Variants in VAV3 observed in about 807,000 individuals in gnomAD.
The protein encoded by VAV3 is vav guanine nucleotide exchange factor 3.
VAV3 carries 94 observed loss-of-function variants against 131.2 expected under a neutral mutation model. The ratio of observed to expected loss-of-function variants is 0.72; its 90% CI spans 0.61 to 0.85. The LOEUF is 0.85. Among genes scored for constraint, VAV3 ranks in the 40% least tolerant of loss-of-function variants. The pLI, the probability that VAV3 is intolerant of heterozygous loss-of-function variation, is 0.00. For missense variants in VAV3, 939 were observed against 1,002.7 expected, an observed-to-expected ratio of 0.94 and a Z score of 0.86; for synonymous variants, 349 against 342.0, an observed-to-expected ratio of 1.02 and a Z score of -0.22.
At chr1:107,904,053 T>A (rs970266715) in intron 1 of VAV3, among the ~76,000 whole-genome samples, 5 of 152,148 alleles carry the variant, frequency 3.3e-5, no homozygotes, top group Non-Finnish European at 5.9e-5. Context: ...ACCTGTTCTA[T>A]AACTTTCCAC....
chr1:107,742,483 A>C (rs142755296), intron 15 of VAV3, among the ~76,000 whole-genome samples: 298 of 152,338 alleles, frequency 2.0e-3, no homozygotes, highest in African/African-American at 7.0e-3. Flanking sequence ...AGATAATTTC[A>C]TTCTTTACTT....
intron 20 of VAV3, among the ~76,000 whole-genome samples, chr1:107,629,774 C>T (rs6583034): frequency 0.89 from 134,742 of 152,156 alleles, 60,380 homozygotes; most frequent in East Asian, 0.96. Flanking sequence ...TCAATAGCAT[C>T]AGAAATTACT....
chr1:107,865,069 C>T (rs368326657), intron 2 of VAV3, among the ~76,000 whole-genome samples: 19 of 152,298 alleles, frequency 1.2e-4, no homozygotes, highest in African/African-American at 4.6e-4. Flanking sequence ...TAGGGATCCT[C>T]ATCAGGGCCA....
At chr1:107,667,208 G>A (rs567121189) in intron 19 of VAV3, among the ~76,000 whole-genome samples, 1 of 152,132 alleles carries the variant, frequency 6.6e-6, no homozygotes, top group South Asian at 2.1e-4. Flanking sequence ...TATGGACAAA[G>A]AGCCAGACAC....
At chr1:107,609,184 TACTC>T (rs1240658336) in intron 22 of VAV3, among the ~76,000 whole-genome samples, 4 of 152,186 alleles carry the variant, frequency 2.6e-5, no homozygotes, top group Non-Finnish European at 5.9e-5. Flanking sequence ...ATATAGTAAA[TACTC>T]AGTATATATT....
intron 19 of VAV3, among the ~76,000 whole-genome samples, chr1:107,650,616 A>T (rs955846849): frequency 3.3e-5 from 5 of 150,950 alleles, no homozygotes; most frequent in Non-Finnish European, 5.9e-5. Context: ...TGTGCAGGTT[A>T]GTTACATATG....
At chr1:107,737,611 T>C (rs1318079469) in intron 15 of VAV3, among the ~76,000 whole-genome samples, 1 of 152,136 alleles carries the variant, frequency 6.6e-6, no homozygotes, top group Non-Finnish European at 1.5e-5. Context: ...AAAATGCTCA[T>C]CATCACTGGC....
chr1:107,942,879 C>T (rs770069710), intron 1 of VAV3, among the ~76,000 whole-genome samples: 3 of 152,128 alleles, frequency 2.0e-5, no homozygotes, highest in Non-Finnish European at 2.9e-5. Flanking sequence ...TAACAAAATC[C>T]AACATCTTTT....
chr1:107,733,860 G>A (rs1359602994), intron 15 of VAV3, among the ~76,000 whole-genome samples: 2 of 152,046 alleles, frequency 1.3e-5, no homozygotes, highest in Non-Finnish European at 2.9e-5. Flanking sequence ...AACAAGGCAG[G>A]CCAACATTCA....
intron 2 of VAV3, among the ~76,000 whole-genome samples, chr1:107,817,542 G>T (rs1667610523): frequency 6.6e-6 from 1 of 152,186 alleles, no homozygotes. Flanking sequence ...GAGGAGCAGA[G>T]GAGAGGCAGA....
At chr1:107,594,727 A>C (rs1444291124) in intron 25 of VAV3, among the ~76,000 whole-genome samples, 1 of 152,142 alleles carries the variant, frequency 6.6e-6, no homozygotes, top group Non-Finnish European at 1.5e-5. Flanking sequence ...GAGTACCTCC[A>C]TGTACTAAAC....
intron 25 of VAV3, among the ~76,000 whole-genome samples, chr1:107,585,387 G>C (rs911823749): frequency 1.3e-5 from 2 of 152,010 alleles, no homozygotes; most frequent in African/African-American, 4.8e-5. Flanking sequence ...ACAGAAACTA[G>C]AATAATCCTA....
intron 19 of VAV3, among the ~76,000 whole-genome samples, chr1:107,647,911 G>T (rs1297886610): frequency 6.6e-6 from 1 of 152,026 alleles, no homozygotes. Flanking sequence ...TGGGATGCTA[G>T]GTGCTGGGAT....
chr1:107,612,013 T>G (rs554061726), intron 21 of VAV3, among the ~76,000 whole-genome samples: 1 of 152,208 alleles, frequency 6.6e-6, no homozygotes, highest in East Asian at 1.9e-4. Context: ...TGGTTACTAT[T>G]TTTCTCTAAT....
At chr1:107,735,884 T>C (rs1662591185) in intron 15 of VAV3, among the ~76,000 whole-genome samples, 1 of 152,142 alleles carries the variant, frequency 6.6e-6, no homozygotes, top group Non-Finnish European at 1.5e-5. Context: ...TACCAAAGCC[T>C]GGCAGTGACA....
At chr1:107,730,416 T>C (rs950510129) in intron 15 of VAV3, among the ~76,000 whole-genome samples, 3 of 152,178 alleles carry the variant, frequency 2.0e-5, no homozygotes, top group Non-Finnish European at 1.5e-5. Context: ...AAAGCAGAAC[T>C]TAAACTCTGA....
intron 15 of VAV3, among the ~76,000 whole-genome samples, chr1:107,721,810 C>G (rs1661518495): frequency 6.6e-6 from 1 of 152,190 alleles, no homozygotes; most frequent in African/African-American, 2.4e-5. Flanking sequence ...TCAGCTTCCT[C>G]CAGACCCAGC....
At chr1:107,733,856 G>T (rs919508860) in intron 15 of VAV3, among the ~76,000 whole-genome samples, 1 of 152,022 alleles carries the variant, frequency 6.6e-6, no homozygotes, top group African/African-American at 2.4e-5. Flanking sequence ...ACCTAACAAG[G>T]CAGGCCAACA....
intron 15 of VAV3, among the ~76,000 whole-genome samples, chr1:107,728,263 C>G (rs1661974647): frequency 6.6e-6 from 1 of 152,080 alleles, no homozygotes; most frequent in Non-Finnish European, 1.5e-5. Flanking sequence ...AAGGTACTCA[C>G]TAACACAAGA....
Sources: gnomAD v4.1 joint callset for allele counts (sites outside exome capture counted in the v4.1 genomes callset) on GRCh38, gnomAD v4.1.1 for gene constraint, MANE v1.5 for transcripts, NCBI Gene and HGNC (gene_info 2026-07-23, HGNC 2026-07-21) for gene names.